The following RNGTT variants were observed in gnomAD, a reference collection of about 807,000 sequenced individuals.
The protein encoded by RNGTT is mRNA-capping enzyme.
In RNGTT, 33 loss-of-function variants were observed where a neutral mutation model predicts 79.3. That is an observed-to-expected ratio of 0.42 (90% CI 0.32 to 0.56). RNGTT has a LOEUF of 0.56. Ranked by LOEUF, RNGTT falls within the 20% of genes least tolerant of loss-of-function variation. The probability of loss-of-function intolerance (pLI) is 0.17; values close to 1 mark genes in which losing one functional copy is unlikely to be tolerated. For synonymous variants in RNGTT, 222 were observed against 235.9 expected (o/e 0.94, Z 0.54); for missense variants, 497 against 739.1 (o/e 0.67, Z 3.80).
chr6:88,748,295 G>T (rs377286905), intron 13 of RNGTT, among the ~76,000 whole-genome samples: 1 of 152,036 alleles, frequency 6.6e-6, no homozygotes, highest in South Asian at 2.1e-4. Context: ...TACAGGGCCC[G>T]ATCTCTTCTA....
intron 14 of RNGTT, among the ~76,000 whole-genome samples, chr6:88,658,057 G>A (rs1350585170): frequency 6.6e-6 from 1 of 152,086 alleles, no homozygotes; most frequent in Non-Finnish European, 1.5e-5. Context: ...ACTTATCCTG[G>A]CCAATGTAGG....
chr6:88,678,381 C>A lies in RNGTT; in HGVS notation c.1478G>T (p.Gly493Val). 1.3e-6 allele frequency: 2 copies of A among 1,520,440 alleles called. No homozygotes were observed. The highest frequency in any genetic ancestry group is 1.4e-5 in the South Asian group (1 of 73,320). 94.2% of individuals were successfully genotyped at this position (1,520,440 alleles called of 1,614,324 possible). ...PQNVGLLYVGGYERPFAQIKV... is the reference protein window; with the variant it reads ...PQNVGLLYVGVYERPFAQIKV... ...GATTTGTGCAAAGGGTCTTTCATAA[C>A]CTCCAACATACAGGAGGCCAACATT... Residue 493 changes from glycine to valine, a missense_variant, in exon 14 of 16, where the codon GGT becomes GTT. By Grantham distance (109) the Gly-to-Val change is moderately radical. Coordinates refer to ENST00000369485, the MANE Select transcript of RNGTT (RefSeq NM_003800.5).
chr6:88,762,215 A>G (rs1778290761), intron 13 of RNGTT, among the ~76,000 whole-genome samples: 1 of 152,202 alleles, frequency 6.6e-6, no homozygotes. Flanking sequence ...TACTGGATGT[A>G]TAACTGGAAG....
chr6:88,949,172 A>AAAAAAAAAAAAAAC (rs1785153777), intron 1 of RNGTT, among the ~76,000 whole-genome samples: 1 of 146,086 alleles, frequency 6.8e-6, no homozygotes, highest in Non-Finnish European at 1.5e-5. Flanking sequence ...AAAAAAAAAA[A>AAAAAAAAAAAAAAC]AAAAAAGAAA....
intron 13 of RNGTT, among the ~76,000 whole-genome samples, chr6:88,756,504 C>T (rs1164858697): frequency 1.3e-5 from 2 of 151,952 alleles, no homozygotes; most frequent in African/African-American, 2.4e-5. Context: ...AATTAATAAA[C>T]AAAGTAGAAG....
At chr6:88,684,903 A>T (rs2127792735) in intron 13 of RNGTT, among the ~76,000 whole-genome samples, 1 of 152,264 alleles carries the variant, frequency 6.6e-6, no homozygotes, top group African/African-American at 2.4e-5. Context: ...AACTGTCTGT[A>T]CTTTCTGCTC....
chr6:88,839,230 G>T (rs1017770289), intron 11 of RNGTT, among the ~76,000 whole-genome samples: 1 of 152,014 alleles, frequency 6.6e-6, no homozygotes, highest in Non-Finnish European at 1.5e-5. Context: ...AAGAGATACT[G>T]TCAAGTTTTT....
chr6:88,689,872 T>TTA (rs143448457), intron 13 of RNGTT, among the ~76,000 whole-genome samples: 15,351 of 137,636 alleles, frequency 0.11, 2,628 homozygotes, highest in African/African-American at 0.41. Context: ...CACGTAACAA[T>TTA]TACAAAAAAA....
chr6:88,636,602 T>G (rs1200382821), intron 14 of RNGTT, among the ~76,000 whole-genome samples: 1 of 151,814 alleles, frequency 6.6e-6, no homozygotes, highest in Admixed American at 6.6e-5. Flanking sequence ...AAATAATTAT[T>G]AATGATGGTA....
chr6:88,868,482 G>C (rs955970590), intron 8 of RNGTT, among the ~76,000 whole-genome samples: 24 of 152,164 alleles, frequency 1.6e-4, no homozygotes, highest in Admixed American at 6.5e-5. Flanking sequence ...TTATTAATCA[G>C]GTCGGTCCAG....
At chr6:88,865,508 G>T (rs892575603) in intron 8 of RNGTT, among the ~76,000 whole-genome samples, 2 of 151,986 alleles carry the variant, frequency 1.3e-5, no homozygotes, top group Admixed American at 1.3e-4. Flanking sequence ...CTTGGTAAAG[G>T]TTACCCACAG....
intron 8 of RNGTT, among the ~76,000 whole-genome samples, chr6:88,863,339 T>C (rs1782071929): frequency 6.6e-6 from 1 of 152,212 alleles, no homozygotes; most frequent in South Asian, 2.1e-4. Flanking sequence ...CACAAATTTT[T>C]TACTATGTCC....
chr6:88,774,913 T>C (rs1388622030), intron 12 of RNGTT, among the ~76,000 whole-genome samples: 3 of 152,178 alleles, frequency 2.0e-5, no homozygotes, highest in South Asian at 4.1e-4. Flanking sequence ...TGTACAACAC[T>C]GTCCATGTAA....
intron 4 of RNGTT, among the ~76,000 whole-genome samples, chr6:88,927,260 C>T (rs920501697): frequency 8.7e-4 from 132 of 152,256 alleles, no homozygotes; most frequent in African/African-American, 3.1e-3. Flanking sequence ...TGGTGGTTCA[C>T]GCCTGTAATC....
At chr6:88,680,720 C>G (rs1388176944) in intron 13 of RNGTT, among the ~76,000 whole-genome samples, 1 of 113,744 alleles carries the variant, frequency 8.8e-6, no homozygotes, top group Non-Finnish European at 1.8e-5. Context: ...CCAGCCCGGG[C>G]AAGAAGAGCA....
At chr6:88,698,260 A>AATATATATATGATATATATTTC (rs1229457522) in intron 13 of RNGTT, among the ~76,000 whole-genome samples, 4 of 95,428 alleles carry the variant, frequency 4.2e-5, no homozygotes, top group African/African-American at 2.8e-4. Context: ...TATATATATA[A>AATATATATATGATATATATTTC]ATATATATGA....
At chr6:88,808,934 G>C (rs368575674) in intron 11 of RNGTT, among the ~76,000 whole-genome samples, 126 of 151,690 alleles carry the variant, frequency 8.3e-4, no homozygotes, top group Non-Finnish European at 1.2e-3. Context: ...TCCAGCCTGA[G>C]TGACAGAGTG....
chr6:88,832,170 T>G, intron 11 of RNGTT, among the ~76,000 whole-genome samples: 1 of 152,106 alleles, frequency 6.6e-6, no homozygotes, highest in African/African-American at 2.4e-5. Flanking sequence ...GGAGGCATCA[T>G]GCTACCTGAC....
chr6:88,722,386 A>G (rs574878850), intron 13 of RNGTT, among the ~76,000 whole-genome samples: 1 of 152,306 alleles, frequency 6.6e-6, no homozygotes, highest in Non-Finnish European at 1.5e-5. Context: ...TAAACCAAAA[A>G]TACATGACTT....
Sources: gnomAD v4.1 joint callset for allele counts (sites outside exome capture counted in the v4.1 genomes callset) on GRCh38, gnomAD v4.1.1 for gene constraint, MANE v1.5 for transcripts, NCBI Gene and HGNC (gene_info 2026-07-23, HGNC 2026-07-21) for gene names.